NOD1: variants seen among roughly 807,000 people sequenced by gnomAD.
NOD1 encodes the protein nucleotide binding oligomerization domain containing 1, also known as nucleotide-binding oligomerization domain-containing protein 1.
A neutral mutation model predicts 81.2 loss-of-function variants in NOD1; 70 were observed. The ratio of observed to expected loss-of-function variants is 0.86; its 90% CI spans 0.71 to 1.05. The LOEUF (loss-of-function observed/expected upper bound fraction) is 1.05. Among genes scored for constraint, NOD1 ranks in the 50% least tolerant of loss-of-function variants. The probability of loss-of-function intolerance (pLI) is 0.00; values close to 1 mark genes in which losing one functional copy is unlikely to be tolerated. For missense variants in NOD1, 1,233 were observed against 1,228.0 expected, an observed-to-expected ratio of 1.00 and a Z score of -0.06; for synonymous variants, 508 against 526.9, an observed-to-expected ratio of 0.96 and a Z score of 0.49.
chr7:30,459,481 T>C (rs1301411193), intron 2 of NOD1, among the ~76,000 whole-genome samples: 1 of 152,252 alleles, frequency 6.6e-6, no homozygotes, highest in Non-Finnish European at 1.5e-5. Flanking sequence ...TTGCTTTCAA[T>C]TGAGTTTTGA....
intron 13 of NOD1, among the ~76,000 whole-genome samples, chr7:30,427,545 G>A (rs1236622311): frequency 1.4e-4 from 21 of 152,138 alleles, no homozygotes; most frequent in Admixed American, 1.2e-3. Context: ...ACACACAGAG[G>A]AGCATGCTCT....
chr7:30,430,402 C>G (rs781425731), intron 12 of NOD1, among the ~76,000 whole-genome samples: 1 of 152,194 alleles, frequency 6.6e-6, no homozygotes, highest in Non-Finnish European at 1.5e-5. Context: ...CATCAAGAGG[C>G]TGTAGTGTCT....
rs141740843 is a variant in NOD1, at chr7:30,427,042, T to C, written c.2790-1332A>G. ...AATGTGCTTCTCCCTTTCTAGACAG[T>C]GAACCCATGAAGCCATGTTGTTCAC... is the stretch of plus-strand genomic sequence containing the variant. On this transcript the variant is annotated intron_variant, in intron 13 of 13. Coordinates refer to ENST00000222823, the MANE Select transcript of NOD1 (RefSeq NM_006092.4). Among the ~76,000 whole-genome samples the C allele has an allele frequency of 7.5e-3, 1,149 of 152,322 alleles. 17 individuals are homozygous for C. The highest frequency in any genetic ancestry group is 0.026 in the African/African-American group (1,089 of 41,566).
At chr7:30,430,231 G>C (rs1783824562) in intron 12 of NOD1, among the ~76,000 whole-genome samples, 1 of 152,166 alleles carries the variant, frequency 6.6e-6, no homozygotes, top group South Asian at 2.1e-4. Flanking sequence ...ATGGGGCTCA[G>C]TGGAAAAGCT....
At chr7:30,447,189 C>T (rs759004494) in intron 7 of NOD1, 139 bp from the exon 8 acceptor site, 75 of 1,434,934 alleles carry the variant, frequency 5.2e-5, no homozygotes, top group East Asian at 1.4e-4. Context: ...GAGTTTAGGG[C>T]TCTGAGGTCT....
In NOD1 at chr7:30,451,116, C is replaced by T. The variant is rs1785645874; in HGVS notation, c.2201+100G>A. ...GTCTGGACATTCCAAGGGCCATGGT[C>T]ATGAGTCCTGGGGGATCCTGGTCCA... On this transcript the variant is annotated intron_variant, in intron 6 of 13. Coordinates refer to ENST00000222823, the MANE Select transcript of NOD1 (RefSeq NM_006092.4). This position sits in a 1 kb window ranked among gnomAD's most constrained non-coding sequence, Gnocchi z 4.2. 2 of 1,353,926 alleles carry T rather than the reference C, an allele frequency of 1.5e-6. No homozygotes were observed. The highest frequency in any genetic ancestry group is 4.8e-5 in the Admixed American group (2 of 41,880). 83.9% of individuals were successfully genotyped at this position (1,353,926 alleles called of 1,614,324 possible).
chr7:30,465,230 A>C (rs971312410), intron 1 of NOD1, among the ~76,000 whole-genome samples: 5 of 152,188 alleles, frequency 3.3e-5, no homozygotes, highest in Non-Finnish European at 7.3e-5. Context: ...CTCCTCTCTC[A>C]GGGAGTTTGA....
rs568535699 is a variant in NOD1 at position 30,451,389 on chromosome 7, G to A, written c.2028C>T (p.Cys676=). ...KVGQLAARGI[C]ANYLKLTYCN... is the part of the protein sequence containing the mutation. ...AGTAGGTCAGCTTGAGGTAGTTGGC[G>A]CAGATGCCCCTGGCCGCCAGCTGCC... Residue 676 remains cysteine, a synonymous_variant, in exon 6 of 14, where the codon TGC becomes TGT. Transcript: ENST00000222823. The surrounding 1 kb of genome is among the most constrained non-coding windows in gnomAD (Gnocchi z 4.2). The A allele has an allele frequency of 7.4e-6, 12 of 1,614,110 alleles. No individual in the cohort carries two copies. Among genetic ancestry groups the A allele is most frequent in the African/African-American group, 5.3e-5 (4 of 75,074 alleles).
At chr7:30,468,828 C>T (rs1438868370) in intron 1 of NOD1, 1 of 985,160 alleles carries the variant, frequency 1.0e-6, no homozygotes, top group Non-Finnish European at 1.2e-6. Context: ...AATCCACAGG[C>T]TCCACAGTTT....
chr7:30,427,252 A>C (rs1783535296), intron 13 of NOD1, among the ~76,000 whole-genome samples: 1 of 152,222 alleles, frequency 6.6e-6, no homozygotes, highest in Non-Finnish European at 1.5e-5. Context: ...TCTGTAATTT[A>C]CAGTGTTCAT....
At chr7:30,455,335 G>T (rs1786240583) in intron 4 of NOD1, 24 bp from the exon 5 acceptor site, 1 of 1,601,440 alleles carries the variant, frequency 6.2e-7, no homozygotes, top group East Asian at 2.2e-5. Context: ...AAGCATGAGG[G>T]CACGGGCTGG....
In NOD1 at chr7:30,436,128, T is replaced by A. The variant is rs769554164; in HGVS notation, c.2538-47A>T. On this transcript the variant is annotated intron_variant, in intron 10 of 13. Coordinates refer to ENST00000222823, the MANE Select transcript of NOD1 (RefSeq NM_006092.4). ...GTGAATTATTAAAGACACATCTACA[T>A]TCAATCTTAGCTTCAACATCAGAAC... 3.7e-5 allele frequency: 53 copies of A among 1,443,302 alleles called. No homozygotes were observed. In the Admixed American group the frequency reaches 8.6e-4, roughly 23 times the overall value. The allele number at this position is 1,443,302 out of a possible 1,614,324, so 89.4% of individuals were successfully genotyped here.
At chr7:30,464,384 A>C (rs1013604978) in intron 1 of NOD1, among the ~76,000 whole-genome samples, 3 of 152,224 alleles carry the variant, frequency 2.0e-5, no homozygotes, top group Non-Finnish European at 4.4e-5. Flanking sequence ...ATGAGGTTGC[A>C]GCTGTTCATT....
chr7:30,451,172 G>A lies in NOD1; in HGVS notation c.2201+44C>T, dbSNP rs922881812. On this transcript the variant is annotated intron_variant, in intron 6 of 13. Transcript: ENST00000222823. The surrounding 1 kb of genome is among the most constrained non-coding windows in gnomAD (Gnocchi z 4.2). The stretch of plus-strand genomic sequence containing the variant: ...CCATTCCCGATGCCCTCCGAGCCTG[G>A]CCCGCCCGGCCCACCTGTTGCTCCC... 1 of 1,586,522 alleles carries A rather than the reference G, an allele frequency of 6.3e-7. No individual in the cohort carries two copies. The highest frequency in any genetic ancestry group is 8.6e-7 in the Non-Finnish European group (1 of 1,166,090).
intron 1 of NOD1, among the ~76,000 whole-genome samples, chr7:30,473,196 C>T (rs1019508631): frequency 2.0e-5 from 3 of 152,180 alleles, no homozygotes; most frequent in Non-Finnish European, 4.4e-5. Flanking sequence ...TTTCTGGGCC[C>T]CCAAATTCCA....
intron 1 of NOD1, chr7:30,469,289 T>C: frequency 1.1e-6 from 1 of 951,460 alleles, no homozygotes; most frequent in Non-Finnish European, 1.3e-6. Flanking sequence ...TTAACTCCAT[T>C]GACACTCACT....
chr7:30,449,674 A>G (rs988864263), intron 6 of NOD1, among the ~76,000 whole-genome samples: 2 of 152,228 alleles, frequency 1.3e-5, no homozygotes, highest in Admixed American at 6.5e-5. Flanking sequence ...AGACTTTTAC[A>G]TGAGAGAAAT....
In NOD1 at chr7:30,451,927, A is replaced by G; in HGVS notation, c.1490T>C (p.Phe497Ser). Residue 497 changes from phenylalanine to serine, a missense_variant, in exon 6 of 14, where the codon TTC (phenylalanine) becomes TCC (serine). By Grantham distance (155) the Phe-to-Ser change is radical. Coordinates refer to ENST00000222823, the MANE Select transcript of NOD1 (RefSeq NM_006092.4). The surrounding 1 kb of genome is among the most constrained non-coding windows in gnomAD (Gnocchi z 4.2). The stretch of plus-strand genomic sequence containing the variant: ...GCCCAGCTCCGGCAAAGCCCGCAGG[A>G]AGCCCAGCTGCATGTCTCTCTCCTG... The part of the protein sequence containing the change: ...GLQERDMQLG[F>S]LRALPELGPG... The G allele has an allele frequency of 6.2e-7, 1 of 1,613,512 alleles. No individual in the cohort carries two copies. The highest frequency in any genetic ancestry group is 8.5e-7 in the Non-Finnish European group (1 of 1,179,956).
At chr7:30,461,165 T>C (rs1296436650) in intron 1 of NOD1, among the ~76,000 whole-genome samples, 1 of 152,224 alleles carries the variant, frequency 6.6e-6, no homozygotes, top group Admixed American at 6.5e-5. Flanking sequence ...ATGTCATCCA[T>C]ACAAAATTTA....
Sources: allele counts gnomAD v4.1 joint callset (sites outside exome capture counted in the v4.1 genomes callset), GRCh38; gene constraint gnomAD v4.1.1; non-coding constraint Gnocchi (gnomAD v3.1); transcripts MANE v1.5; gene names NCBI Gene and HGNC (gene_info 2026-07-23, HGNC 2026-07-21).